CSMD1: variants seen among roughly 807,000 people sequenced by gnomAD.
CSMD1 encodes CUB and sushi domain-containing protein 1.
Under a neutral mutation model 417.5 loss-of-function variants are expected in CSMD1, and 213 were observed. That is an observed-to-expected ratio of 0.51 (90% CI 0.46 to 0.57). The LOEUF (loss-of-function observed/expected upper bound fraction) is 0.57. Among genes scored for constraint, CSMD1 ranks in the 20% least tolerant of loss-of-function variants. The probability of loss-of-function intolerance (pLI) is 0.00; values close to 1 mark genes in which losing one functional copy is unlikely to be tolerated. For synonymous variants in CSMD1, 2,862 were observed against 1,736.8 expected (o/e 1.65, Z -16.11); for missense variants, 6,923 against 4,529.7 (o/e 1.53, Z -15.17).
At chr8:4,274,877 C>G (rs544625634) in intron 3 of CSMD1, among the ~76,000 whole-genome samples, 2 of 152,080 alleles carry the variant, frequency 1.3e-5, no homozygotes, top group Non-Finnish European at 2.9e-5. Context: ...CTCAAGTACC[C>G]AAAAGGTTTG....
At chr8:4,789,238 A>G (rs1369710300) in intron 1 of CSMD1, among the ~76,000 whole-genome samples, 1 of 152,208 alleles carries the variant, frequency 6.6e-6, no homozygotes, top group African/African-American at 2.4e-5. Flanking sequence ...CTATCCTGCC[A>G]CTGTTTCTCA....
chr8:3,915,405 C>CAGGAAA (rs1554484704), intron 5 of CSMD1, among the ~76,000 whole-genome samples: 14 of 76,292 alleles, frequency 1.8e-4, no homozygotes, highest in African/African-American at 6.4e-4. Context: ...GACTCTGTCT[C>CAGGAAA]AAAAAAAAAA....
chr8:4,605,513 G>C (rs1800819407), intron 2 of CSMD1, among the ~76,000 whole-genome samples: 1 of 152,114 alleles, frequency 6.6e-6, no homozygotes, highest in African/African-American at 2.4e-5. Context: ...AATTGACCAG[G>C]AAACAGAGTT....
At chr8:3,081,571 T>C (rs1026098947) in intron 49 of CSMD1, among the ~76,000 whole-genome samples, 3 of 152,226 alleles carry the variant, frequency 2.0e-5, no homozygotes, top group African/African-American at 7.2e-5. Flanking sequence ...AACATTTGCA[T>C]TAGTAATTAC....
intron 1 of CSMD1, among the ~76,000 whole-genome samples, chr8:4,758,859 C>T (rs1385409593): frequency 6.6e-6 from 1 of 152,144 alleles, no homozygotes; most frequent in East Asian, 1.9e-4. Flanking sequence ...CTGGGGATTA[C>T]AATTCACAAA....
Position 4,142,340 on chromosome 8 carries a change from G to A in CSMD1, c.416-110241C>T, listed in dbSNP as rs34474033. 1.3e-5 allele frequency among the ~76,000 whole-genome samples: 2 copies of A among 150,692 alleles called. 1 individual carries two copies. On this transcript the variant is annotated intron_variant, in intron 3 of 69. Coordinates refer to ENST00000635120, the MANE Select transcript of CSMD1 (RefSeq NM_033225.6). ...TATCCACCTCATTAGCCTACTCTAC[G>A]AGGTTATGATATTTGGCTGTAGGCA...
intron 7 of CSMD1, among the ~76,000 whole-genome samples, chr8:3,627,168 C>G (rs1056958677): frequency 6.6e-6 from 1 of 152,072 alleles, no homozygotes; most frequent in African/African-American, 2.4e-5. Context: ...ATGTGCAGTG[C>G]AATTTCACCC....
intron 7 of CSMD1, among the ~76,000 whole-genome samples, chr8:3,678,636 T>C (rs1331279516): frequency 2.6e-5 from 4 of 152,066 alleles, no homozygotes; most frequent in African/African-American, 9.6e-5. Flanking sequence ...AAGGAAAACT[T>C]CCCCAACCTA....
Position 4,637,449 on chromosome 8 carries a change from G to T in CSMD1, c.195C>A (p.Gly65=), listed in dbSNP as rs747802898. Reference sequence around the variant, plus strand: ...AGGACAACTGTATCCTATTGCGCTCGCCCGTGATGATGATCCAGGTGCAGT... The same window carrying T: ...AGGACAACTGTATCCTATTGCGCTCTCCCGTGATGATGATCCAGGTGCAGT... ...YANCTWIIIT[G]ERNRIQLSFH... is the part of the protein sequence containing the mutation. The change falls in exon 2 of 70, where the codon GGC becomes GGA. Residue 65 remains glycine (G), a synonymous_variant. Coordinates refer to ENST00000635120, the MANE Select transcript of CSMD1 (RefSeq NM_033225.6). 89 of 1,613,502 alleles carry T rather than the reference G, an allele frequency of 5.5e-5. No individual in the cohort carries two copies. Among genetic ancestry groups the T allele is most frequent in the Non-Finnish European group, 7.4e-5 (87 of 1,179,816 alleles).
chr8:4,251,078 G>T (rs1803036772), intron 3 of CSMD1, among the ~76,000 whole-genome samples: 1 of 152,102 alleles, frequency 6.6e-6, no homozygotes, highest in African/African-American at 2.4e-5. Context: ...GTGAAATGTT[G>T]TAGTCACATT....
chr8:4,821,032 T>A (rs979169763), intron 1 of CSMD1, among the ~76,000 whole-genome samples: 1 of 152,090 alleles, frequency 6.6e-6, no homozygotes, highest in Non-Finnish European at 1.5e-5. Context: ...ACGGCTTAGA[T>A]TGCTCCACAC....
chr8:4,466,295 G>C (rs745331498), intron 2 of CSMD1, among the ~76,000 whole-genome samples: 8 of 152,072 alleles, frequency 5.3e-5, no homozygotes, highest in Non-Finnish European at 1.2e-4. Flanking sequence ...GAAAACAGAG[G>C]AGGAGGAGGA....
chr8:3,688,580 T>A (rs1440466544), intron 7 of CSMD1, among the ~76,000 whole-genome samples: 5 of 152,222 alleles, frequency 3.3e-5, no homozygotes, highest in African/African-American at 4.8e-5. Context: ...GCAATGCTCA[T>A]AATTATTATT....
chr8:4,775,589 T>C (rs961740070), intron 1 of CSMD1, among the ~76,000 whole-genome samples: 1 of 152,128 alleles, frequency 6.6e-6, no homozygotes, highest in Non-Finnish European at 1.5e-5. Flanking sequence ...AAAAAGATAT[T>C]TTAAGCAACT....
chr8:4,457,507 C>T (rs907898648), intron 2 of CSMD1, among the ~76,000 whole-genome samples: 4 of 152,046 alleles, frequency 2.6e-5, no homozygotes, highest in East Asian at 1.9e-4. Context: ...AAATGATCAT[C>T]TGGACATACC....
intron 3 of CSMD1, among the ~76,000 whole-genome samples, chr8:4,079,007 C>G (rs1255392793): frequency 6.7e-6 from 1 of 149,416 alleles, no homozygotes; most frequent in Non-Finnish European, 1.5e-5. Context: ...TATCATATGT[C>G]ACCCATCTGA....
intron 3 of CSMD1, among the ~76,000 whole-genome samples, chr8:4,352,713 A>C (rs1584944026): frequency 6.6e-6 from 1 of 152,216 alleles, no homozygotes; most frequent in African/African-American, 2.4e-5. Flanking sequence ...CAAGAACACA[A>C]ATAAGAACCC....
At chr8:3,723,582 T>C (rs950609743) in intron 6 of CSMD1, among the ~76,000 whole-genome samples, 2 of 152,216 alleles carry the variant, frequency 1.3e-5, no homozygotes, top group Non-Finnish European at 1.5e-5. Flanking sequence ...AGATAGTCTT[T>C]TTGCCAATGA....
intron 5 of CSMD1, among the ~76,000 whole-genome samples, chr8:3,982,680 G>A (rs535498124): frequency 1.6e-4 from 24 of 151,922 alleles, no homozygotes; most frequent in Non-Finnish European, 3.2e-4. Flanking sequence ...CCAGGGTGGC[G>A]GACCGGAAGC....
Sources: gnomAD v4.1 joint callset for allele counts (sites outside exome capture counted in the v4.1 genomes callset) on GRCh38, gnomAD v4.1.1 for gene constraint, MANE v1.5 for transcripts, NCBI Gene and HGNC (gene_info 2026-07-23, HGNC 2026-07-21) for gene names.